FRMD4A: variants seen among roughly 807,000 people sequenced by gnomAD.
The protein encoded by FRMD4A is FERM domain-containing protein 4A.
A neutral mutation model predicts 129.1 loss-of-function variants in FRMD4A; 29 were observed. The observed-to-expected ratio is 0.22, with a 90% confidence interval of 0.17 to 0.31. FRMD4A has a LOEUF of 0.31. Among genes scored for constraint, FRMD4A ranks in the 10% least tolerant of loss-of-function variants. The probability of loss-of-function intolerance (pLI) is 1.00; values close to 1 mark genes in which losing one functional copy is unlikely to be tolerated. For missense variants in FRMD4A, 1,272 were observed against 1,375.8 expected (o/e 0.92, Z 1.19); for synonymous variants, 634 against 571.6 (o/e 1.11, Z -1.56).
chr10:13,764,992 G>A (rs1173972054), intron 6 of FRMD4A, among the ~76,000 whole-genome samples: 1 of 152,002 alleles, frequency 6.6e-6, no homozygotes, highest in Non-Finnish European at 1.5e-5. Context: ...CAAATCAATA[G>A]AGAATCAGTT....
intron 2 of FRMD4A, among the ~76,000 whole-genome samples, chr10:14,088,448 G>GAAA (rs113913799): frequency 2.0e-5 from 2 of 101,006 alleles, no homozygotes; most frequent in Non-Finnish European, 4.2e-5. Context: ...CTTCCTAAAA[G>GAAA]AAAAAAAAAA....
intron 2 of FRMD4A, among the ~76,000 whole-genome samples, chr10:13,872,407 G>A (rs2094447784): frequency 6.6e-6 from 1 of 152,228 alleles, no homozygotes; most frequent in African/African-American, 2.4e-5. Flanking sequence ...CCAGTAACTG[G>A]TTCCCAGGGC....
intron 2 of FRMD4A, among the ~76,000 whole-genome samples, chr10:14,212,637 G>A (rs1198913152): frequency 6.6e-6 from 1 of 152,190 alleles, no homozygotes; most frequent in African/African-American, 2.4e-5. Context: ...GAGACCAGGA[G>A]GATGACTGAT....
At chr10:13,746,623 C>G (rs1275130923) in intron 9 of FRMD4A, among the ~76,000 whole-genome samples, 1 of 152,166 alleles carries the variant, frequency 6.6e-6, no homozygotes, top group Non-Finnish European at 1.5e-5. Flanking sequence ...CCATACAGTT[C>G]AGAAGTTGTC....
intron 4 of FRMD4A, among the ~76,000 whole-genome samples, chr10:13,798,305 G>T (rs377518228): frequency 6.6e-6 from 1 of 151,884 alleles, no homozygotes; most frequent in African/African-American, 2.4e-5. Context: ...CCAGCTACTC[G>T]GGAGGCTGAG....
chr10:13,914,780 C>T (rs572479174), intron 2 of FRMD4A, among the ~76,000 whole-genome samples: 46 of 152,006 alleles, frequency 3.0e-4, no homozygotes, highest in African/African-American at 1.1e-3. Context: ...TGTGGTGGAC[C>T]CCAAAGCTCA....
chr10:13,988,796 A>G (rs1394996504), intron 2 of FRMD4A, among the ~76,000 whole-genome samples: 1 of 152,158 alleles, frequency 6.6e-6, no homozygotes, highest in Non-Finnish European at 1.5e-5. Flanking sequence ...CTATCTACCT[A>G]CCTACCTACC....
intron 2 of FRMD4A, among the ~76,000 whole-genome samples, chr10:14,127,984 C>CTT (rs1838980404): frequency 9.6e-6 from 1 of 103,854 alleles, no homozygotes; most frequent in African/African-American, 5.0e-5. Flanking sequence ...CTTTCCTTCT[C>CTT]TCTCTCTCTC....
chr10:14,199,919 T>C (rs1431944477), intron 2 of FRMD4A, among the ~76,000 whole-genome samples: 2 of 150,868 alleles, frequency 1.3e-5, no homozygotes, highest in African/African-American at 2.4e-5. Flanking sequence ...AATAATCATA[T>C]ATTATATATT....
intron 2 of FRMD4A, among the ~76,000 whole-genome samples, chr10:14,039,411 T>TCCATCC (rs1565204597): frequency 1.8e-5 from 1 of 54,262 alleles, no homozygotes; most frequent in African/African-American, 5.1e-5. Flanking sequence ...TCCATCCATC[T>TCCATCC]ATCTATCTAT....
intron 2 of FRMD4A, among the ~76,000 whole-genome samples, chr10:14,164,272 C>T (rs116825204): frequency 0.012 from 1,879 of 152,330 alleles, 36 homozygotes; most frequent in African/African-American, 0.041. Context: ...GAGAAATAGG[C>T]CAGCCGCTCT....
At chr10:14,017,964 C>T (rs887479988) in intron 2 of FRMD4A, among the ~76,000 whole-genome samples, 16 of 152,168 alleles carry the variant, frequency 1.1e-4, no homozygotes, top group African/African-American at 3.9e-4. Context: ...ATGGGTAAAA[C>T]ACCTCCAGTG....
At chr10:13,775,529 A>G (rs957018369) in intron 6 of FRMD4A, among the ~76,000 whole-genome samples, 2 of 152,202 alleles carry the variant, frequency 1.3e-5, no homozygotes, top group African/African-American at 4.8e-5. Context: ...TTTACTTCCC[A>G]TATGCGCTTT....
intron 2 of FRMD4A, among the ~76,000 whole-genome samples, chr10:14,150,120 G>T (rs1209943538): frequency 6.6e-6 from 1 of 152,038 alleles, no homozygotes; most frequent in Non-Finnish European, 1.5e-5. Context: ...GAACAGAAAG[G>T]GGAAATCCAT....
rs200719267 is a variant in FRMD4A at position 14,005,006 on chromosome 10, A to ATTTCTTTC, written c.46-146102_46-146095dup. On this transcript the variant is annotated intron_variant, in intron 2 of 24. Coordinates refer to ENST00000357447, the MANE Select transcript of FRMD4A (RefSeq NM_018027.5). ...TCCCATACCAAACGTGGCATTTTATATTTCTTTCTTTCTTTCTTTCTTTCT... is the reference window on the plus strand; with the variant it reads ...TCCCATACCAAACGTGGCATTTTATATTTCTTTCTTTCTTTCTTTCTTTCTTTCTTTCT... Among the ~76,000 whole-genome samples, 20 of 150,422 alleles carry ATTTCTTTC rather than the reference A, an allele frequency of 1.3e-4. No homozygotes were observed. In the East Asian group the frequency reaches 2.0e-3, roughly 15 times the overall value.
At chr10:14,330,235 G>A in intron 1 of FRMD4A, 52 bp from the exon 2 acceptor site, 1 of 831,842 alleles carries the variant, frequency 1.2e-6, no homozygotes, top group Non-Finnish European at 2.0e-6. Context: ...GGCTCAAGGG[G>A]AAGATAGGCC....
intron 3 of FRMD4A, among the ~76,000 whole-genome samples, chr10:13,843,293 G>A (rs1247948539): frequency 2.0e-5 from 3 of 152,152 alleles, no homozygotes; most frequent in African/African-American, 7.2e-5. Context: ...GAGGCTGTTT[G>A]TCTAGGACCA....
At chr10:13,697,228 C>T (rs1164765550) in intron 14 of FRMD4A, among the ~76,000 whole-genome samples, 1 of 150,700 alleles carries the variant, frequency 6.6e-6, no homozygotes. Flanking sequence ...ACGATCTCAG[C>T]TCACTGCAAC....
rs78383715 is a variant in FRMD4A at position 14,090,633 on chromosome 10, G to T, written c.46-231721C>A. 4.1e-3 allele frequency among the ~76,000 whole-genome samples: 630 copies of T among 152,228 alleles called. 11 individuals carry two copies. The highest frequency in any genetic ancestry group is 0.014 in the African/African-American group (598 of 41,530). On this transcript the variant is annotated intron_variant, in intron 2 of 24. Coordinates refer to ENST00000357447, the MANE Select transcript of FRMD4A (RefSeq NM_018027.5). ...GAGTGGGGGTTCTCAGTTAACGTTG[G>T]AACCATACAGCAATGAGGCCTGGGT...
Sources: allele counts gnomAD v4.1 joint callset (sites outside exome capture counted in the v4.1 genomes callset), GRCh38; gene constraint gnomAD v4.1.1; transcripts MANE v1.5; gene names NCBI Gene and HGNC (gene_info 2026-07-23, HGNC 2026-07-21).